The following TOX variants were observed in gnomAD, a reference collection of about 807,000 sequenced individuals.
The protein encoded by TOX is thymocyte selection associated high mobility group box, also known as thymocyte selection-associated high mobility group box protein TOX.
A neutral mutation model predicts 53.7 loss-of-function variants in TOX; 11 were observed. The ratio of observed to expected loss-of-function variants is 0.20; its 90% CI spans 0.13 to 0.34. The LOEUF is 0.34. Among genes scored for constraint, TOX ranks in the 10% least tolerant of loss-of-function variants. TOX has a pLI of 1.00. For synonymous variants in TOX, 225 were observed against 245.3 expected, an observed-to-expected ratio of 0.92 and a Z score of 0.77; for missense variants, 570 against 664.6, an observed-to-expected ratio of 0.86 and a Z score of 1.56.
At chr8:58,934,592 A>G (rs185545789) in intron 3 of TOX, among the ~76,000 whole-genome samples, 6 of 152,326 alleles carry the variant, frequency 3.9e-5, no homozygotes, top group African/African-American at 9.6e-5. Flanking sequence ...AAAGACATCA[A>G]TTTGAATCAC....
At chr8:59,070,010 G>A (rs991396501) in intron 1 of TOX, among the ~76,000 whole-genome samples, 6 of 152,174 alleles carry the variant, frequency 3.9e-5, no homozygotes, top group African/African-American at 1.2e-4. Context: ...GAAACCTCAA[G>A]GGCAACATGG....
intron 1 of TOX, among the ~76,000 whole-genome samples, chr8:59,049,260 G>A (rs1803745486): frequency 6.6e-6 from 1 of 152,110 alleles, no homozygotes; most frequent in Non-Finnish European, 1.5e-5. Context: ...ATGCTACTCA[G>A]ACTTCACTTG....
At position 59,119,012 on chromosome 8, in the gene TOX, TTTTC is replaced by T; in HGVS notation, c.-29_-26del. ...TTTCACTCTCACATCAAGCAACTCC[TTTTC>T]TTTTTCCTTTTTTAAAAAAAAGTGT... On this transcript the variant is annotated 5_prime_UTR_variant, in exon 1 of 9. Coordinates refer to ENST00000361421, the MANE Select transcript of TOX (RefSeq NM_014729.3). The T allele has an allele frequency of 6.6e-7, 1 of 1,515,052 alleles. No individual in the cohort carries two copies. Among genetic ancestry groups the T allele is most frequent in the Non-Finnish European group, 9.1e-7 (1 of 1,097,012 alleles). 93.9% of individuals were successfully genotyped at this position (1,515,052 alleles called of 1,614,324 possible). A position where few individuals can be genotyped will look rare whatever the true frequency, so the allele number is the denominator to read the frequency against.
intron 1 of TOX, among the ~76,000 whole-genome samples, chr8:59,056,660 T>TA (rs568453446): frequency 1.7e-4 from 26 of 152,066 alleles, no homozygotes; most frequent in Non-Finnish European, 3.4e-4. Flanking sequence ...ATTCGTTATA[T>TA]AAAAAAATGC....
At chr8:58,845,179 C>T (rs1459988541) in intron 4 of TOX, among the ~76,000 whole-genome samples, 1 of 152,100 alleles carries the variant, frequency 6.6e-6, no homozygotes, top group Non-Finnish European at 1.5e-5. Context: ...GGTCCCAAAG[C>T]CTTTAATGGA....
At chr8:59,069,724 G>A (rs1804159573) in intron 1 of TOX, among the ~76,000 whole-genome samples, 1 of 152,156 alleles carries the variant, frequency 6.6e-6, no homozygotes, top group Admixed American at 6.5e-5. Context: ...TGATCTAAGA[G>A]GTCCAGAGAA....
intron 4 of TOX, 123 bp from the exon 5 acceptor site, chr8:58,838,434 TAAGGGACACATTG>T: frequency 1.4e-6 from 1 of 727,506 alleles, no homozygotes; most frequent in Admixed American, 2.7e-5. Context: ...CAGGCTTTTC[TAAGGGACACATTG>T]TTTTGTTATT....
chr8:58,978,207 T>A (rs1031576733), intron 1 of TOX, among the ~76,000 whole-genome samples: 1 of 151,760 alleles, frequency 6.6e-6, no homozygotes, highest in African/African-American at 2.4e-5. Context: ...GCCTGGGATC[T>A]TAGATAGTCC....
chr8:58,838,697 G>GTTTT (rs1810590539), intron 4 of TOX, among the ~76,000 whole-genome samples: 8 of 76,676 alleles, frequency 1.0e-4, no homozygotes, highest in African/African-American at 5.6e-4. Flanking sequence ...AGTTATCCTT[G>GTTTT]TCTTTTTTTT....
intron 1 of TOX, among the ~76,000 whole-genome samples, chr8:59,070,570 T>C (rs548280759): frequency 4.1e-5 from 6 of 147,318 alleles, no homozygotes; most frequent in African/African-American, 1.5e-4. Flanking sequence ...AGACTGAAGA[T>C]ACAGAAGAAA....
intron 1 of TOX, among the ~76,000 whole-genome samples, chr8:59,103,172 C>G (rs530921756): frequency 2.0e-5 from 3 of 152,320 alleles, no homozygotes; most frequent in Non-Finnish European, 1.5e-5. Context: ...TGAACCCTAA[C>G]TGAAGTCATC....
chr8:58,964,668 T>G (rs184821826), intron 1 of TOX, among the ~76,000 whole-genome samples: 1 of 152,360 alleles, frequency 6.6e-6, no homozygotes, highest in African/African-American at 2.4e-5. Flanking sequence ...CATGATTGAA[T>G]AAATAGACTT....
chr8:59,115,819 C>T (rs1280789503), intron 1 of TOX, among the ~76,000 whole-genome samples: 1 of 152,074 alleles, frequency 6.6e-6, no homozygotes, highest in Admixed American at 6.6e-5. Flanking sequence ...CCACAATGGG[C>T]TATGTGAAAA....
intron 2 of TOX, among the ~76,000 whole-genome samples, chr8:58,948,108 C>T (rs1024692739): frequency 6.6e-6 from 1 of 152,148 alleles, no homozygotes; most frequent in Non-Finnish European, 1.5e-5. Flanking sequence ...CTTGAACCTG[C>T]CCCAGAGAAT....
At chr8:58,836,363 T>C (rs149179927) in intron 5 of TOX, among the ~76,000 whole-genome samples, 1 of 152,292 alleles carries the variant, frequency 6.6e-6, no homozygotes, top group African/African-American at 2.4e-5. Flanking sequence ...CAAGTTAGAA[T>C]AGAAACTAGC....
At chr8:59,047,012 T>G (rs1434982666) in intron 1 of TOX, among the ~76,000 whole-genome samples, 1 of 152,102 alleles carries the variant, frequency 6.6e-6, no homozygotes, top group East Asian at 1.9e-4. Context: ...GTCTATTCAC[T>G]GGTAATAATG....
chr8:58,811,640 C>T (rs184981958), intron 7 of TOX, among the ~76,000 whole-genome samples: 16 of 152,218 alleles, frequency 1.1e-4, no homozygotes, highest in Admixed American at 9.8e-4. Context: ...TTAAATTACA[C>T]CCAAATCCTA....
chr8:59,081,830 T>G (rs1804414041), intron 1 of TOX, among the ~76,000 whole-genome samples: 1 of 152,060 alleles, frequency 6.6e-6, no homozygotes, highest in African/African-American at 2.4e-5. Context: ...TAACTGACAA[T>G]GGGACTTGAT....
Position 58,955,986 on chromosome 8 carries a change from C to T in TOX, c.168+3957G>A, listed in dbSNP as rs181494988. ...CTGACCTCAGGTGATCCGCCCACTT[C>T]GGCCTCCCAAAGTGCTGGGATTACA... On this transcript the variant is annotated intron_variant, in intron 2 of 8. Transcript: ENST00000361421. 4.7e-3 allele frequency among the ~76,000 whole-genome samples: 720 copies of T among 152,122 alleles called. 3 individuals carry two copies. Among genetic ancestry groups the T allele is most frequent in the African/African-American group, 0.017 (693 of 41,490 alleles).
Sources: allele counts gnomAD v4.1 joint callset (sites outside exome capture counted in the v4.1 genomes callset), GRCh38; gene constraint gnomAD v4.1.1; transcripts MANE v1.5; gene names NCBI Gene and HGNC (gene_info 2026-07-23, HGNC 2026-07-21).